The following TRIO variants were observed in gnomAD, a reference collection of about 807,000 sequenced individuals.
TRIO encodes the protein triple functional domain protein.
TRIO carries 58 observed loss-of-function variants against 351.9 expected under a neutral mutation model. That is an observed-to-expected ratio of 0.16 (90% CI 0.13 to 0.21). TRIO has a LOEUF of 0.21. Ranked by LOEUF, TRIO falls within the 10% of genes least tolerant of loss-of-function variation. TRIO has a pLI of 1.00. For synonymous variants in TRIO, 1,758 were observed against 1,595.7 expected, an observed-to-expected ratio of 1.10 and a Z score of -2.42; for missense variants, 3,201 against 4,027.8, an observed-to-expected ratio of 0.79 and a Z score of 5.56.
chr5:14,194,258 T>C (rs1790627184), intron 1 of TRIO, among the ~76,000 whole-genome samples: 1 of 152,190 alleles, frequency 6.6e-6, no homozygotes, highest in African/African-American at 2.4e-5. Flanking sequence ...CAACTTGATG[T>C]CTAAATATGT....
chr5:14,296,324 C>A (rs1253367276), intron 6 of TRIO, among the ~76,000 whole-genome samples: 1 of 152,178 alleles, frequency 6.6e-6, no homozygotes, highest in South Asian at 2.1e-4. Flanking sequence ...CCGCACCACA[C>A]CACACCCTGC....
intron 1 of TRIO, among the ~76,000 whole-genome samples, chr5:14,223,649 A>G (rs1374347431): frequency 6.6e-6 from 1 of 152,198 alleles, no homozygotes; most frequent in Admixed American, 6.5e-5. Flanking sequence ...ATTTGCGAGA[A>G]CAAGAGGAAA....
intron 34 of TRIO, among the ~76,000 whole-genome samples, chr5:14,432,503 A>G (rs561068613): frequency 2.0e-5 from 3 of 152,276 alleles, no homozygotes; most frequent in South Asian, 2.1e-4. Context: ...GCCCTCCAAC[A>G]TTTCGTCTCT....
chr5:14,312,569 A>G (rs908460442), intron 8 of TRIO, among the ~76,000 whole-genome samples: 1 of 152,232 alleles, frequency 6.6e-6, no homozygotes, highest in African/African-American at 2.4e-5. Flanking sequence ...TTATTATAGG[A>G]AAGTCCTGCT....
intron 1 of TRIO, among the ~76,000 whole-genome samples, chr5:14,187,098 C>T (rs910410376): frequency 6.6e-6 from 1 of 152,162 alleles, no homozygotes; most frequent in Non-Finnish European, 1.5e-5. Context: ...CAGCCTAAAG[C>T]GATGAACCAG....
chr5:14,419,088 AG>A (rs1309191898), intron 33 of TRIO, among the ~76,000 whole-genome samples: 3 of 152,134 alleles, frequency 2.0e-5, no homozygotes, highest in African/African-American at 7.2e-5. Flanking sequence ...GTCAGGCTGG[AG>A]GAACAGAAGG....
chr5:14,475,837 G>GA (rs370839173), intron 40 of TRIO, among the ~76,000 whole-genome samples: 1 of 151,856 alleles, frequency 6.6e-6, no homozygotes, highest in Non-Finnish European at 1.5e-5. Context: ...TGCGCAGCGG[G>GA]GATAGTAAAC....
chr5:14,294,272 C>T (rs1737156391), intron 6 of TRIO, among the ~76,000 whole-genome samples: 1 of 152,166 alleles, frequency 6.6e-6, no homozygotes, highest in African/African-American at 2.4e-5. Flanking sequence ...AAAATACAGT[C>T]AACTAGGTGC....
At chr5:14,377,496 C>T (rs547004966) in intron 19 of TRIO, among the ~76,000 whole-genome samples, 2 of 152,108 alleles carry the variant, frequency 1.3e-5, no homozygotes, top group South Asian at 2.1e-4. Flanking sequence ...TCCACCCATC[C>T]GCCTCAGCCT....
At chr5:14,320,274 T>A (rs917769288) in intron 9 of TRIO, among the ~76,000 whole-genome samples, 1 of 152,202 alleles carries the variant, frequency 6.6e-6, no homozygotes, top group Admixed American at 6.5e-5. Flanking sequence ...AGGTAACTCA[T>A]TTTTGCTTTA....
chr5:14,402,877 G>A (rs1748209050), intron 31 of TRIO, among the ~76,000 whole-genome samples: 1 of 151,724 alleles, frequency 6.6e-6, no homozygotes, highest in African/African-American at 2.4e-5. Flanking sequence ...AGTGTAGATG[G>A]TGGTGAGGGT....
Position 14,487,922 on chromosome 5 carries a change from GC to G in TRIO, c.7299del (p.Ala2434ProfsTer24). ...AANASGSSPDAPAKDARASLG... is the reference protein window; with the variant it reads ...AANASGSSPDXPAKDARASLG... ...GAACGCCTCGGGGTCGAGCCCAGAC[GC>G]CCCCGCCAAGGACGCGCGCGCTAGC... On this transcript the variant is annotated frameshift_variant, in exon 48 of 57. Transcript: ENST00000344204. LOFTEE classifies it high-confidence loss of function. 1 of 1,538,028 alleles carries G rather than the reference GC, an allele frequency of 6.5e-7. No individual in the cohort carries two copies. The highest frequency in any genetic ancestry group is 1.4e-5 in the African/African-American group (1 of 72,280).
intron 48 of TRIO, chr5:14,488,913 G>A: frequency 1.3e-6 from 1 of 759,600 alleles, no homozygotes; most frequent in Non-Finnish European, 2.4e-6. Flanking sequence ...CGGCCTGCTG[G>A]GCTCTGGCCT....
intron 9 of TRIO, among the ~76,000 whole-genome samples, chr5:14,327,406 T>A (rs1740485525): frequency 6.6e-6 from 1 of 152,180 alleles, no homozygotes; most frequent in African/African-American, 2.4e-5. Flanking sequence ...TCAGGTGATC[T>A]GCCCACCTTG....
At chr5:14,206,561 CT>C (rs1791472687) in intron 1 of TRIO, among the ~76,000 whole-genome samples, 1 of 152,218 alleles carries the variant, frequency 6.6e-6, no homozygotes, top group African/African-American at 2.4e-5. Flanking sequence ...CCAGCAGCCT[CT>C]TTCTCAGGTC....
At chr5:14,163,671 T>C (rs1218799501) in intron 1 of TRIO, among the ~76,000 whole-genome samples, 2 of 152,250 alleles carry the variant, frequency 1.3e-5, no homozygotes, top group African/African-American at 2.4e-5. Flanking sequence ...CATTCACACA[T>C]GCACATTGTT....
chr5:14,450,534 A>G (rs974833268), intron 34 of TRIO, among the ~76,000 whole-genome samples: 3 of 151,770 alleles, frequency 2.0e-5, no homozygotes, highest in African/African-American at 7.3e-5. Context: ...GAATCTTGGG[A>G]TTATTTAAGA....
At chr5:14,252,506 G>T (rs573397865) in intron 1 of TRIO, among the ~76,000 whole-genome samples, 1 of 152,164 alleles carries the variant, frequency 6.6e-6, no homozygotes, top group East Asian at 1.9e-4. Flanking sequence ...GTCTTACCTG[G>T]ATCCCCGAGG....
intron 12 of TRIO, 133 bp from the exon 13 acceptor site, chr5:14,359,224 C>A (rs965733204): frequency 9.5e-7 from 1 of 1,047,772 alleles, no homozygotes; most frequent in Admixed American, 2.5e-5. Flanking sequence ...GAGAGCAGCC[C>A]GTTCCATTTT....
Sources: gnomAD v4.1 joint callset for allele counts (sites outside exome capture counted in the v4.1 genomes callset) on GRCh38, gnomAD v4.1.1 for gene constraint, MANE v1.5 for transcripts, NCBI Gene and HGNC (gene_info 2026-07-23, HGNC 2026-07-21) for gene names.